Variants in DLEC1 observed in about 807,000 individuals in gnomAD.
DLEC1 encodes deleted in lung and esophageal cancer protein 1.
A neutral mutation model predicts 198.1 loss-of-function variants in DLEC1; 146 were observed. The ratio of observed to expected loss-of-function variants is 0.74; its 90% CI spans 0.64 to 0.85. DLEC1 has a LOEUF of 0.85. DLEC1 is among the 40% of genes least tolerant of loss of function. The probability of loss-of-function intolerance (pLI) is 0.00; values close to 1 mark genes in which losing one functional copy is unlikely to be tolerated. For synonymous variants in DLEC1, 897 were observed against 866.8 expected (o/e 1.03, Z -0.61); for missense variants, 2,233 against 2,220.0 (o/e 1.01, Z -0.12).
At position 38,123,276 on chromosome 3, in the gene DLEC1, C is replaced by T; in HGVS notation, c.*864C>T. 1.5e-6 allele frequency: 1 copy of T among 668,142 alleles called. No individual in the cohort carries two copies. Among genetic ancestry groups the T allele is most frequent in the Non-Finnish European group, 2.7e-6 (1 of 375,430 alleles). The allele number at this position is 668,142 out of a possible 1,614,324, so 41.4% of individuals were successfully genotyped here. ...TACCCTGGCCTCCCACTTGGGCACA[C>T]ACACGGTGACAGATGCCCACTGCAG... On this transcript the variant is annotated 3_prime_UTR_variant, in exon 37 of 37. Transcript: ENST00000308059.
intron 19 of DLEC1, among the ~76,000 whole-genome samples, chr3:38,102,871 T>G (rs1391987508): frequency 6.6e-6 from 1 of 152,218 alleles, no homozygotes; most frequent in Non-Finnish European, 1.5e-5. Flanking sequence ...TCATGACAGT[T>G]GAGAGGTCCA....
chr3:38,070,179 T>C (rs1008360702), intron 6 of DLEC1, among the ~76,000 whole-genome samples: 1 of 151,988 alleles, frequency 6.6e-6, no homozygotes, highest in African/African-American at 2.4e-5. Flanking sequence ...GAAAAGAAAG[T>C]GGGGCTTAAA....
At chr3:38,070,087 G>T (rs1697234974) in intron 6 of DLEC1, among the ~76,000 whole-genome samples, 1 of 152,132 alleles carries the variant, frequency 6.6e-6, no homozygotes, top group Admixed American at 6.5e-5. Context: ...TACCTGTATT[G>T]ATGTGCTACA....
At position 38,112,186 on chromosome 3, in the gene DLEC1, C is replaced by T. The variant is rs961151446; in HGVS notation, c.3515-24C>T. On this transcript the variant is annotated intron_variant, in intron 24 of 36. Coordinates refer to ENST00000308059, the MANE Select transcript of DLEC1 (RefSeq NM_007335.4). This position sits in a 1 kb window ranked among gnomAD's most constrained non-coding sequence, Gnocchi z 4.8. ...CTCCCAACCCCAGGCCCGTGAATCC[C>T]CCACAGTCGCGGTTCTTTCCCAGAT... 3 of 1,613,846 alleles carry T rather than the reference C, an allele frequency of 1.9e-6. No homozygotes were observed. The African/African-American group carries it at 4.0e-5, about 22-fold the overall frequency.
Position 38,062,181 on chromosome 3 carries a change from C to A in DLEC1, c.686C>A (p.Pro229His). Reference sequence around the variant, plus strand: ...CTTGATGCTGTAGGCATCTCCCTACCTGGATGTTCAAAACTGACATTTAGC... The same window carrying A: ...CTTGATGCTGTAGGCATCTCCCTACATGGATGTTCAAAACTGACATTTAGC... ...FHSAPKGISL[P>H]GCSKLTFSCE... The change falls in exon 4 of 37, where the codon CCT becomes CAT. Residue 229 changes from proline (P) to histidine (H), a missense_variant. Transcript: ENST00000308059. The A allele has an allele frequency of 1.2e-6, 2 of 1,614,192 alleles. No individual in the cohort carries two copies. The highest frequency in any genetic ancestry group is 1.7e-6 in the Non-Finnish European group (2 of 1,180,048).
At chr3:38,045,726 A>AT in intron 2 of DLEC1, 33 bp downstream of exon 2, 1 of 1,572,592 alleles carries the variant, frequency 6.4e-7, no homozygotes, top group East Asian at 2.3e-5. Flanking sequence ...TGCCTGCCCA[A>AT]TTCCCGGGCT....
At chr3:38,109,906 A>G in intron 22 of DLEC1, 193 bp from the exon 23 acceptor site, 1 of 720,446 alleles carries the variant, frequency 1.4e-6, no homozygotes, top group Non-Finnish European at 2.2e-6. Context: ...GTTTGTGCAG[A>G]GTTTGAGGCC....
rs1035393211 is a variant in DLEC1, at chr3:38,062,367, A to C, written c.872A>C (p.Lys291Thr). The change falls in exon 4 of 37, where the codon AAG becomes ACG. Residue 291 changes from lysine to threonine, a missense_variant and splice_region_variant. Coordinates refer to ENST00000308059, the MANE Select transcript of DLEC1 (RefSeq NM_007335.4). ...KAKERTREPL[K>T]KASQPRNKNW... ...AAAGAAAGGACCAGAGAACCTCTCA[A>C]GGTCAGTTTGGAAGGCTGTGCAGAG... The C allele has an allele frequency of 6.2e-7, 1 of 1,614,110 alleles. No homozygotes were observed. The highest frequency in any genetic ancestry group is 8.5e-7 in the Non-Finnish European group (1 of 1,180,048).
intron 4 of DLEC1, 32 bp downstream of exon 4, chr3:38,062,400 T>C: frequency 6.2e-7 from 1 of 1,613,238 alleles, no homozygotes; most frequent in South Asian, 1.1e-5. Flanking sequence ...GAGCAGTGTT[T>C]GGGGGGACAG....
intron 14 of DLEC1, 70 bp from the exon 15 acceptor site, chr3:38,096,499 A>C: frequency 6.6e-7 from 1 of 1,521,110 alleles, no homozygotes; most frequent in Non-Finnish European, 8.8e-7. Context: ...AACGTGGGAC[A>C]GAGGCAGGGA....
At chr3:38,062,531 G>T in intron 4 of DLEC1, 50 bp from the exon 5 acceptor site, 1 of 1,606,418 alleles carries the variant, frequency 6.2e-7, no homozygotes, top group Non-Finnish European at 8.5e-7. Flanking sequence ...ATGTCAACAA[G>T]CACAATCCCT....
rs200523685 is a variant in DLEC1 at position 38,116,889 on chromosome 3, G to A, written c.4179G>A (p.Val1393=). 10 of 1,612,938 alleles carry A rather than the reference G, an allele frequency of 6.2e-6. No individual in the cohort carries two copies. The highest frequency in any genetic ancestry group is 2.7e-5 in the African/African-American group (2 of 75,008). The change falls in exon 29 of 37, where the codon GTG becomes GTA. Residue 1393 remains valine (V), a splice_region_variant and synonymous_variant. Coordinates refer to ENST00000308059, the MANE Select transcript of DLEC1 (RefSeq NM_007335.4). ...GHLYCISPKQ[V]VVPAGGSSTI... ...TGTACTGTATCAGCCCCAAGCAGGT[G>A]GTGAGTTGGGGTATGGGCTGGGAGC... is the stretch of plus-strand genomic sequence containing the variant.
intron 10 of DLEC1, 79 bp from the exon 11 acceptor site, chr3:38,092,711 C>T: frequency 2.3e-6 from 3 of 1,281,182 alleles, no homozygotes; most frequent in Non-Finnish European, 2.3e-6. Flanking sequence ...GGGTGTGTGT[C>T]CGAGAGGAGG....
At chr3:38,071,081 A>G (rs1697291621) in intron 6 of DLEC1, among the ~76,000 whole-genome samples, 1 of 152,110 alleles carries the variant, frequency 6.6e-6, no homozygotes, top group East Asian at 1.9e-4. Context: ...CAGCGTGGGA[A>G]CCTAGAGTGG....
intron 6 of DLEC1, among the ~76,000 whole-genome samples, chr3:38,069,716 C>T (rs775658242): frequency 3.3e-5 from 5 of 152,220 alleles, no homozygotes; most frequent in Non-Finnish European, 7.3e-5. Context: ...CCTGGCCTTC[C>T]ACCTGCACCT....
At chr3:38,085,710 A>G (rs2070484) in intron 8 of DLEC1, among the ~76,000 whole-genome samples, 29,517 of 151,940 alleles carry the variant, frequency 0.19, 3,443 homozygotes, top group East Asian at 0.33. Flanking sequence ...TAACCCCACC[A>G]TAGGTTTTGC....
chr3:38,068,014 A>G (rs976809772), intron 6 of DLEC1, among the ~76,000 whole-genome samples: 2 of 152,182 alleles, frequency 1.3e-5, no homozygotes, highest in African/African-American at 2.4e-5. Flanking sequence ...TTGGCCTCCC[A>G]AAGTCCTGGG....
At chr3:38,082,574 T>C (rs1698108215) in intron 6 of DLEC1, among the ~76,000 whole-genome samples, 2 of 151,368 alleles carry the variant, frequency 1.3e-5, no homozygotes, top group African/African-American at 4.9e-5. Flanking sequence ...GGTTGGGGTG[T>C]GGAAATAAGG....
chr3:38,084,386 AGTGGTAGTAGTAGTAGTGGTG>A (rs1471690553), intron 7 of DLEC1, 141 bp downstream of exon 7: 19 of 505,758 alleles, frequency 3.8e-5, no homozygotes, highest in Middle Eastern at 4.7e-4. Flanking sequence ...TGGTGGTAGT[AGTGGTAGTAGTAGTAGTGGTG>A]GTGGTAGTAG....
Sources: allele counts gnomAD v4.1 joint callset (sites outside exome capture counted in the v4.1 genomes callset), GRCh38; gene constraint gnomAD v4.1.1; non-coding constraint Gnocchi (gnomAD v3.1); transcripts MANE v1.5; gene names NCBI Gene and HGNC (gene_info 2026-07-23, HGNC 2026-07-21).